PCDH11X: variants seen among roughly 807,000 people sequenced by gnomAD.
PCDH11X encodes the protein protocadherin 11 X-linked, also known as protocadherin-11 X-linked.
In PCDH11X, 18 loss-of-function variants were observed where a neutral mutation model predicts 53.3. The ratio of observed to expected loss-of-function variants is 0.34; its 90% CI spans 0.23 to 0.50. PCDH11X has a LOEUF of 0.50. Ranked by LOEUF, PCDH11X falls within the 20% of genes least tolerant of loss-of-function variation. The pLI, the probability that PCDH11X is intolerant of heterozygous loss-of-function variation, is 0.98. For synonymous variants in PCDH11X, 279 were observed against 393.3 expected (o/e 0.71, Z 3.44); for missense variants, 570 against 1,032.4 (o/e 0.55, Z 6.14).
At chrX:92,287,078 T>A (rs748617649) in intron 8 of PCDH11X, among the ~76,000 whole-genome samples, 1 of 111,754 alleles carries the variant, frequency 8.9e-6, no homozygotes, top group East Asian at 2.8e-4. Flanking sequence ...TTTAAGACAA[T>A]GGGTGCCAAA....
At chrX:92,090,661 G>T (rs1382300497) in intron 6 of PCDH11X, among the ~76,000 whole-genome samples, 1 of 110,656 alleles carries the variant, frequency 9.0e-6, no homozygotes, top group Non-Finnish European at 1.9e-5. Context: ...AGACAGACTT[G>T]AAACAGGCTA....
intron 6 of PCDH11X, among the ~76,000 whole-genome samples, chrX:92,049,424 C>A (rs2063336154): frequency 9.1e-6 from 1 of 110,175 alleles, no homozygotes; most frequent in Non-Finnish European, 1.9e-5. Context: ...ACTCCCCTGA[C>A]CCCTTAGAAG....
At chrX:92,492,776 T>TA (rs1258367310) in intron 10 of PCDH11X, among the ~76,000 whole-genome samples, 1 of 108,692 alleles carries the variant, frequency 9.2e-6, no homozygotes, top group Non-Finnish European at 1.9e-5. Context: ...AAATAGAACT[T>TA]ATGAAACAAG....
At chrX:92,259,758 TG>T (rs1377586960) in intron 7 of PCDH11X, among the ~76,000 whole-genome samples, 3 of 111,754 alleles carry the variant, frequency 2.7e-5, no homozygotes, top group African/African-American at 9.8e-5. Flanking sequence ...ATGTAGTACC[TG>T]GGTATCACTG....
At chrX:92,415,024 C>T (rs2148607450) in intron 9 of PCDH11X, among the ~76,000 whole-genome samples, 1 of 110,847 alleles carries the variant, frequency 9.0e-6, no homozygotes, top group African/African-American at 3.3e-5. Context: ...ATCAGTAATG[C>T]TAATTTGGAG....
chrX:91,794,038 T>C (rs1935648917), intron 1 of PCDH11X, among the ~76,000 whole-genome samples: 1 of 112,013 alleles, frequency 8.9e-6, no homozygotes, highest in Non-Finnish European at 1.9e-5. Context: ...AGTTAATTAG[T>C]AGACTTAAAA....
chrX:91,836,821 T>C (rs1937319524), intron 5 of PCDH11X, among the ~76,000 whole-genome samples: 1 of 111,113 alleles, frequency 9.0e-6, no homozygotes, highest in Admixed American at 9.7e-5. Context: ...ATATTTGGTA[T>C]TCTTCAAAAT....
chrX:92,063,822 C>T (rs2063562460), intron 6 of PCDH11X, among the ~76,000 whole-genome samples: 1 of 110,547 alleles, frequency 9.0e-6, no homozygotes, highest in Non-Finnish European at 1.9e-5. Context: ...GGCACCAAGG[C>T]TCAGCTCAGC....
chrX:92,371,107 C>A (rs903372456), intron 8 of PCDH11X, among the ~76,000 whole-genome samples: 20 of 111,759 alleles, frequency 1.8e-4, no homozygotes, highest in African/African-American at 6.2e-4. Flanking sequence ...TTACTTCTAA[C>A]ATGAGTCTAT....
intron 9 of PCDH11X, among the ~76,000 whole-genome samples, chrX:92,421,411 T>C: frequency 8.9e-6 from 1 of 112,005 alleles, no homozygotes. Flanking sequence ...GGCCTCCAGC[T>C]TTATTTACGT....
chrX:92,158,760 C>T (rs1262135960), intron 6 of PCDH11X, among the ~76,000 whole-genome samples: 5 of 110,078 alleles, frequency 4.5e-5, no homozygotes, highest in South Asian at 4.0e-4. Flanking sequence ...CTCAGCCTCC[C>T]GAGTAGCTGA....
At chrX:92,576,887 T>C (rs1256513684) in intron 10 of PCDH11X, among the ~76,000 whole-genome samples, 5 of 111,800 alleles carry the variant, frequency 4.5e-5, no homozygotes, top group African/African-American at 1.3e-4. Flanking sequence ...GTTTTATCTG[T>C]GTAATTACTA....
rs1259939592 is a variant in PCDH11X, at chrX:91,884,168, G to A, written c.3033+4895G>A. ...ATCGTGCCGTTGCACTCCAGCGTGG[G>A]TGACAAAGCAAGACTCCGTCTCAAA... is the stretch of plus-strand genomic sequence containing the variant. On this transcript the variant is annotated intron_variant, in intron 6 of 10. Coordinates refer to ENST00000682573, the MANE Select transcript of PCDH11X (RefSeq NM_032968.5). Among the ~76,000 whole-genome samples, 8 of 89,075 alleles carry A rather than the reference G, an allele frequency of 9.0e-5. 1 individual carries two copies. The East Asian group carries it at 9.9e-4, about 11-fold the overall frequency. 77.4% of individuals were successfully genotyped at this position (89,075 alleles called of 115,157 possible). A position where few individuals can be genotyped will look rare whatever the true frequency, so the allele number is the denominator to read the frequency against.
chrX:92,022,954 G>A, intron 6 of PCDH11X, among the ~76,000 whole-genome samples: 1 of 110,125 alleles, frequency 9.1e-6, no homozygotes, highest in East Asian at 2.9e-4. Context: ...CAATCAAGAA[G>A]TTCTTTGAAA....
At chrX:92,271,703 C>T (rs965048815) in intron 8 of PCDH11X, among the ~76,000 whole-genome samples, 15 of 112,245 alleles carry the variant, frequency 1.3e-4, no homozygotes, top group African/African-American at 4.5e-4. Context: ...ATTCTTGTCT[C>T]TTACAGTCAT....
intron 4 of PCDH11X, among the ~76,000 whole-genome samples, chrX:91,831,262 G>T (rs191378201): frequency 5.0e-4 from 55 of 110,294 alleles, no homozygotes; most frequent in African/African-American, 1.7e-3. Flanking sequence ...AATAGCATGG[G>T]CACTACTGGA....
chrX:92,011,898 T>C (rs2147981225), intron 6 of PCDH11X, among the ~76,000 whole-genome samples: 1 of 110,388 alleles, frequency 9.1e-6, no homozygotes, highest in African/African-American at 3.3e-5. Context: ...AAAATTTTGT[T>C]TCAGTGTTAG....
chrX:92,621,649 T>G lies in PCDH11X; in HGVS notation c.*2709T>G. ...TTCTAGGGCTTCAGATCTGATGATA[T>G]CTTTTTCATCACATTACAAGTTATT... On this transcript the variant is annotated 3_prime_UTR_variant, in exon 11 of 11. Coordinates refer to ENST00000682573, the MANE Select transcript of PCDH11X (RefSeq NM_032968.5). 9.0e-6 allele frequency: 1 copy of G among 110,995 alleles called. No homozygotes were observed. Among genetic ancestry groups the G allele is most frequent in the East Asian group, 2.8e-4 (1 of 3,518 alleles). The allele number at this position is 110,995 out of a possible 1,213,427, so 9.1% of individuals were successfully genotyped here.
intron 10 of PCDH11X, among the ~76,000 whole-genome samples, chrX:92,545,512 G>A (rs1215587293): frequency 9.5e-6 from 1 of 104,726 alleles, no homozygotes; most frequent in Non-Finnish European, 1.9e-5. Context: ...TGTGATTCTC[G>A]TGCCTCAGGC....
Sources: gnomAD v4.1 joint callset for allele counts (sites outside exome capture counted in the v4.1 genomes callset) on GRCh38, gnomAD v4.1.1 for gene constraint, MANE v1.5 for transcripts, NCBI Gene and HGNC (gene_info 2026-07-23, HGNC 2026-07-21) for gene names.